BCAP29: variants seen among roughly 807,000 people sequenced by gnomAD.
BCAP29 encodes B cell receptor associated protein 29, also known as B-cell receptor-associated protein 29.
A neutral mutation model predicts 31.8 loss-of-function variants in BCAP29; 34 were observed. The observed-to-expected ratio is 1.07, with a 90% CI of 0.81 to 1.42. The LOEUF (loss-of-function observed/expected upper bound fraction) is 1.42, where lower values mean the gene tolerates loss of function less well. BCAP29 is among the 40% of genes most tolerant of loss of function. The probability of loss-of-function intolerance (pLI) is 0.00; values close to 1 mark genes in which losing one functional copy is unlikely to be tolerated. For missense variants in BCAP29, 314 were observed against 269.2 expected (o/e 1.17, Z -1.16); for synonymous variants, 104 against 91.3 (o/e 1.14, Z -0.79).
In BCAP29 at chr7:107,612,437, A is replaced by ATATTTATT. The variant is rs1554480153; in HGVS notation, c.590-893_590-886dup. Among the ~76,000 whole-genome samples the ATATTTATT allele has an allele frequency of 7.2e-3, 816 of 112,888 alleles. 53 individuals are homozygous for ATATTTATT. Among genetic ancestry groups the ATATTTATT allele is most frequent in the African/African-American group, 0.022 (572 of 26,542 alleles). The allele number at this position is 112,888 out of a possible 152,430, so 74.1% of individuals were successfully genotyped here. A position where few individuals can be genotyped will look rare whatever the true frequency, so the allele number is the denominator to read the frequency against. On this transcript the variant is annotated intron_variant, in intron 6 of 7. Transcript: ENST00000005259. The stretch of plus-strand genomic sequence containing the variant: ...TATATATATATATATATATATATAT[A>ATATTTATT]TATTTATTTTACTTCTATCTAAGGC...
Position 107,593,664 on chromosome 7 carries a change from A to G in BCAP29, c.194-291A>G, listed in dbSNP as rs116824254. On this transcript the variant is annotated intron_variant, in intron 3 of 7. Coordinates refer to ENST00000005259, the MANE Select transcript of BCAP29 (RefSeq NM_018844.4). ...TTAGAGACAGAAAATGTAAAGGATA[A>G]TAGTTTGCAGTGTAGTTAGAGATGA... Among the ~76,000 whole-genome samples, 398 of 152,306 alleles carry G rather than the reference A, an allele frequency of 2.6e-3. 4 individuals carry two copies. Among genetic ancestry groups the G allele is most frequent in the African/African-American group, 9.3e-3 (388 of 41,562 alleles).
At chr7:107,596,244 G>A (rs189905689) in intron 5 of BCAP29, among the ~76,000 whole-genome samples, 52 of 152,026 alleles carry the variant, frequency 3.4e-4, no homozygotes, top group African/African-American at 1.3e-3. Context: ...TATACCATTG[G>A]ACCTATTTTC....
chr7:107,584,816 G>A (rs1021826356), intron 3 of BCAP29, among the ~76,000 whole-genome samples: 1 of 152,180 alleles, frequency 6.6e-6, no homozygotes, highest in Non-Finnish European at 1.5e-5. Context: ...TGTGATAACA[G>A]CATTGTTACA....
intron 3 of BCAP29, among the ~76,000 whole-genome samples, chr7:107,588,348 T>C (rs1297819715): frequency 6.6e-6 from 1 of 152,234 alleles, no homozygotes; most frequent in African/African-American, 2.4e-5. Flanking sequence ...CACAGCATTG[T>C]GAATATACTA....
At chr7:107,611,819 G>T (rs1301090148) in intron 6 of BCAP29, among the ~76,000 whole-genome samples, 1 of 152,132 alleles carries the variant, frequency 6.6e-6, no homozygotes, top group African/African-American at 2.4e-5. Flanking sequence ...ATAGAGCTGT[G>T]CTGCCCAATA....
intron 4 of BCAP29, 70 bp from the exon 5 acceptor site, chr7:107,595,796 TG>T (rs1171431769): frequency 6.7e-7 from 1 of 1,492,562 alleles, no homozygotes; most frequent in Non-Finnish European, 9.1e-7. Flanking sequence ...GGGAGTAATT[TG>T]GCAATGACTG....
rs1427824654 is a variant in BCAP29, at chr7:107,580,606, T to G, written c.-14-153T>G. ...GCGACACCCGCTTCCCGGGCCACCC[T>G]TTTCCCCTTCCTGACCGGGGTCCGT... On this transcript the variant is annotated intron_variant, in intron 1 of 7. Transcript: ENST00000005259. 1.6e-5 allele frequency: 9 copies of G among 558,958 alleles called. No homozygotes were observed. The East Asian group carries it at 3.2e-4, about 20-fold the overall frequency. The allele number at this position is 558,958 out of a possible 1,614,324, so 34.6% of individuals were successfully genotyped here. A position where few individuals can be genotyped will look rare whatever the true frequency, so the allele number is the denominator to read the frequency against.
chr7:107,616,725 A>G (rs1015674090), intron 7 of BCAP29, among the ~76,000 whole-genome samples: 1 of 152,002 alleles, frequency 6.6e-6, no homozygotes, highest in Non-Finnish European at 1.5e-5. Flanking sequence ...GATATCATTA[A>G]GAGCCCCATT....
intron 3 of BCAP29, among the ~76,000 whole-genome samples, chr7:107,585,056 T>TA (rs1467543107): frequency 4.6e-5 from 7 of 152,206 alleles, no homozygotes; most frequent in African/African-American, 7.2e-5. Context: ...TTCCAGTTGT[T>TA]ACTGAGCTCA....
At chr7:107,621,985 T>C (rs542065605), downstream of BCAP29, 69 of 492,096 alleles carry the variant, frequency 1.4e-4, no homozygotes, top group South Asian at 9.9e-4. Flanking sequence ...AGTTACTCTT[T>C]AACACCACTC....
intron 3 of BCAP29, among the ~76,000 whole-genome samples, chr7:107,590,608 A>G (rs1385966877): frequency 6.6e-6 from 1 of 152,172 alleles, no homozygotes; most frequent in Non-Finnish European, 1.5e-5. Context: ...GCTCAAGCTC[A>G]GGAGTTGCAG....
intron 4 of BCAP29, 69 bp from the exon 5 acceptor site, chr7:107,595,798 G>T: frequency 6.6e-7 from 1 of 1,507,446 alleles, no homozygotes; most frequent in Middle Eastern, 1.8e-4. Flanking sequence ...GAGTAATTTG[G>T]CAATGACTGT....
At chr7:107,611,612 T>C (rs1458628900) in intron 6 of BCAP29, among the ~76,000 whole-genome samples, 4 of 152,204 alleles carry the variant, frequency 2.6e-5, no homozygotes, top group Non-Finnish European at 5.9e-5. Flanking sequence ...GGAAATGCCT[T>C]GTAGAACCCA....
chr7:107,611,764 C>G (rs1813164700), intron 6 of BCAP29, among the ~76,000 whole-genome samples: 1 of 152,140 alleles, frequency 6.6e-6, no homozygotes, highest in Admixed American at 6.6e-5. Flanking sequence ...GTCTTTAATA[C>G]CTTATTTAGA....
At chr7:107,621,597 G>T (rs369775506), downstream of BCAP29, 24 of 414,098 alleles carry the variant, frequency 5.8e-5, no homozygotes, top group Non-Finnish European at 1.2e-4. Context: ...ATCTGGGAGT[G>T]CCCTAAATGC....
At chr7:107,595,750 A>T in intron 4 of BCAP29, 117 bp from the exon 5 acceptor site, 4 of 1,123,450 alleles carry the variant, frequency 3.6e-6, no homozygotes, top group Non-Finnish European at 5.0e-6. Context: ...GGTTCTGCCT[A>T]AACATTATCT....
chr7:107,612,416 TATATATATATATATATATATA>T (rs1813339843), intron 6 of BCAP29, among the ~76,000 whole-genome samples: 21 of 46,222 alleles, frequency 4.5e-4, no homozygotes, highest in Non-Finnish European at 9.7e-4. Flanking sequence ...TATATATATA[TATATATATATATATATATATA>T]TATTTATTTT....
intron 5 of BCAP29, among the ~76,000 whole-genome samples, chr7:107,599,011 T>TTATATATA (rs368244284): frequency 2.4e-4 from 31 of 128,890 alleles, no homozygotes; most frequent in Middle Eastern, 4.1e-3. Flanking sequence ...ATCTACAAAT[T>TTATATATA]TATATATATA....
rs1806879666 is a variant in BCAP29, at chr7:107,582,482, ATTT to A, written c.93-1398_93-1396del. Among the ~76,000 whole-genome samples the A allele has an allele frequency of 2.6e-5, 4 of 152,208 alleles. No homozygotes were observed. The South Asian group carries it at 8.3e-4, about 32-fold the overall frequency. The stretch of plus-strand genomic sequence containing the variant: ...AATATTTCATCATTTAGTCTCTATT[ATTT>A]TCTTACATAACCCAGTGGTTAAAGG... On this transcript the variant is annotated intron_variant, in intron 2 of 7. Coordinates refer to ENST00000005259, the MANE Select transcript of BCAP29 (RefSeq NM_018844.4).
Sources: allele counts gnomAD v4.1 joint callset (sites outside exome capture counted in the v4.1 genomes callset), GRCh38; gene constraint gnomAD v4.1.1; transcripts MANE v1.5; gene names NCBI Gene and HGNC (gene_info 2026-07-23, HGNC 2026-07-21).